ADD3: variants seen among roughly 807,000 people sequenced by gnomAD.
ADD3 encodes the protein adducin 3.
Under a neutral mutation model 80.2 loss-of-function variants are expected in ADD3, and 25 were observed. The ratio of observed to expected loss-of-function variants is 0.31; its 90% confidence interval spans 0.23 to 0.44. The LOEUF is 0.44. Ranked by LOEUF, ADD3 falls within the 20% of genes least tolerant of loss-of-function variation. ADD3 has a pLI of 1.00. For missense variants in ADD3, 829 were observed against 847.5 expected (o/e 0.98, Z 0.27); for synonymous variants, 284 against 289.6 (o/e 0.98, Z 0.20).
intron 1 of ADD3, among the ~76,000 whole-genome samples, chr10:110,025,120 T>C (rs1854130521): frequency 6.6e-6 from 1 of 152,006 alleles, no homozygotes; most frequent in African/African-American, 2.4e-5. Context: ...GCTCTTAAAC[T>C]CCTGGCCTCA....
At chr10:110,102,159 A>C (rs1848888926) in intron 2 of ADD3, among the ~76,000 whole-genome samples, 2 of 152,238 alleles carry the variant, frequency 1.3e-5, no homozygotes, top group Admixed American at 6.5e-5. Context: ...CCAAATGGAA[A>C]GATTCATCAG....
At chr10:110,019,013 C>T (rs138056225) in intron 1 of ADD3, among the ~76,000 whole-genome samples, 8 of 152,132 alleles carry the variant, frequency 5.3e-5, no homozygotes, top group South Asian at 2.1e-4. Flanking sequence ...TCATTCCCAG[C>T]GCTGGACAAG....
chr10:110,123,246 T>C (rs11194994), intron 9 of ADD3, among the ~76,000 whole-genome samples: 20,051 of 152,074 alleles, frequency 0.13, 4,257 homozygotes, highest in African/African-American at 0.45. Flanking sequence ...AGTGAGACTG[T>C]TGGGTGATAT....
intron 1 of ADD3, among the ~76,000 whole-genome samples, chr10:110,087,955 C>A (rs1847005537): frequency 6.6e-6 from 1 of 152,052 alleles, no homozygotes; most frequent in South Asian, 2.1e-4. Flanking sequence ...TATTCCATGC[C>A]CCTCCCCGGG....
intron 1 of ADD3, among the ~76,000 whole-genome samples, chr10:110,070,933 C>A (rs1428514854): frequency 8.9e-6 from 1 of 112,546 alleles, no homozygotes; most frequent in Non-Finnish European, 1.6e-5. Flanking sequence ...CCTACAAACA[C>A]ATCATGTGGG....
At chr10:110,113,976 T>C (rs1458315850) in intron 3 of ADD3, among the ~76,000 whole-genome samples, 2 of 152,122 alleles carry the variant, frequency 1.3e-5, no homozygotes, top group African/African-American at 4.8e-5. Flanking sequence ...TGACAAAAGA[T>C]TCCAAAGAGA....
At chr10:110,103,638 C>G (rs61881638) in intron 2 of ADD3, among the ~76,000 whole-genome samples, 20,413 of 152,200 alleles carry the variant, frequency 0.13, 1,800 homozygotes, top group East Asian at 0.4. Context: ...CAATTCTCCC[C>G]ATGCTCCAGG....
chr10:110,111,147 C>G (rs774256452), intron 2 of ADD3, among the ~76,000 whole-genome samples: 6 of 152,218 alleles, frequency 3.9e-5, no homozygotes, highest in Non-Finnish European at 7.3e-5. Context: ...TCTCCATTAT[C>G]TCCCAGGTAT....
intron 1 of ADD3, among the ~76,000 whole-genome samples, chr10:110,082,757 A>C (rs1846220275): frequency 6.6e-6 from 1 of 152,176 alleles, no homozygotes; most frequent in African/African-American, 2.4e-5. Flanking sequence ...CTTTTTATGT[A>C]TGTATTTACT....
At chr10:110,064,536 T>C (rs1490892315) in intron 1 of ADD3, among the ~76,000 whole-genome samples, 1 of 152,220 alleles carries the variant, frequency 6.6e-6, no homozygotes, top group Non-Finnish European at 1.5e-5. Context: ...TTGGATGTGC[T>C]TTTGCAAAGT....
In ADD3 at chr10:110,064,829, T is replaced by C. The variant is rs553908500; in HGVS notation, c.-29-35796T>C. On this transcript the variant is annotated intron_variant, in intron 1 of 14. Transcript: ENST00000356080. Reference sequence around the variant, plus strand: ...CACCTGCATTTGTTATTGCTATTTTTTTATACAGTATTTTTAAAACTGCAT... The same window carrying C: ...CACCTGCATTTGTTATTGCTATTTTCTTATACAGTATTTTTAAAACTGCAT... Among the ~76,000 whole-genome samples, 7 of 152,322 alleles carry C rather than the reference T, an allele frequency of 4.6e-5. No homozygotes were observed. The South Asian group carries it at 1.4e-3, about 32-fold the overall frequency.
chr10:110,081,121 G>C (rs1846004178), intron 1 of ADD3, among the ~76,000 whole-genome samples: 1 of 152,176 alleles, frequency 6.6e-6, no homozygotes, highest in South Asian at 2.1e-4. Context: ...TTGTATGTTT[G>C]TGTGGTGGTT....
At chr10:110,009,448 A>G (rs559666948) in intron 1 of ADD3, among the ~76,000 whole-genome samples, 3 of 152,202 alleles carry the variant, frequency 2.0e-5, no homozygotes, top group Non-Finnish European at 4.4e-5. Flanking sequence ...ATAAGAGTAC[A>G]GTGCAATTTG....
chr10:110,007,742 G>C (rs1481442592), upstream of ADD3, among the ~76,000 whole-genome samples: 1 of 151,878 alleles, frequency 6.6e-6, no homozygotes, highest in South Asian at 2.1e-4. Context: ...CTGCGGGGGC[G>C]GGACCAGGAC....
intron 1 of ADD3, among the ~76,000 whole-genome samples, chr10:110,037,604 CAAAAAAAAAA>C (rs998064830): frequency 2.0e-5 from 1 of 51,118 alleles, no homozygotes; most frequent in African/African-American, 7.0e-5. Flanking sequence ...GACTCAGTCT[CAAAAAAAAAA>C]AAAAAAAAAA....
At chr10:110,128,049 ATT>A (rs71486096) in intron 12 of ADD3, among the ~76,000 whole-genome samples, 5,090 of 106,234 alleles carry the variant, frequency 0.048, 190 homozygotes, top group African/African-American at 0.16. Flanking sequence ...TTTGTTTAGG[ATT>A]TTTTTTTTTT....
At chr10:110,107,663 A>T (rs1849544177) in intron 2 of ADD3, among the ~76,000 whole-genome samples, 1 of 152,122 alleles carries the variant, frequency 6.6e-6, no homozygotes, top group African/African-American at 2.4e-5. Context: ...TAGCTATGTG[A>T]CATTACGAAG....
Position 110,065,539 on chromosome 10 carries a change from C to CTTTTTTTTTTT in ADD3, c.-29-35078_-29-35068dup, listed in dbSNP as rs1217733559. On this transcript the variant is annotated intron_variant, in intron 1 of 14. Coordinates refer to ENST00000356080, the MANE Select transcript of ADD3 (RefSeq NM_016824.5). Reference sequence around the variant, plus strand: ...TTTTTTCTTAGCCTCTCTCTCTCCCCTTTTTTTTTTTTTTTTTTGAGAAAG... The same window carrying CTTTTTTTTTTT: ...TTTTTTCTTAGCCTCTCTCTCTCCCCTTTTTTTTTTTTTTTTTTTTTTTTTTTTTGAGAAAG... Among the ~76,000 whole-genome samples the CTTTTTTTTTTT allele has an allele frequency of 8.2e-3, 255 of 31,140 alleles. 60 individuals carry two copies. Among genetic ancestry groups the CTTTTTTTTTTT allele is most frequent in the South Asian group, 0.021 (18 of 854 alleles). The allele number at this position is 31,140 out of a possible 152,430, so 20.4% of individuals were successfully genotyped here.
At chr10:110,117,688 A>G (rs901161900) in intron 5 of ADD3, among the ~76,000 whole-genome samples, 7 of 150,948 alleles carry the variant, frequency 4.6e-5, no homozygotes, top group African/African-American at 1.7e-4. Flanking sequence ...ACCACCCTAT[A>G]CACTCAGAAA....
Sources: gnomAD v4.1 joint callset for allele counts (sites outside exome capture counted in the v4.1 genomes callset) on GRCh38, gnomAD v4.1.1 for gene constraint, MANE v1.5 for transcripts, NCBI Gene and HGNC (gene_info 2026-07-23, HGNC 2026-07-21) for gene names.